Variants in ZNF451 observed in about 807,000 individuals in gnomAD.
ZNF451 encodes zinc finger protein 451.
In ZNF451, 80 loss-of-function variants were observed where a neutral mutation model predicts 107.1. The observed-to-expected ratio is 0.75, with a 90% CI of 0.62 to 0.90. ZNF451 has a LOEUF of 0.90. Ranked by LOEUF, ZNF451 falls within the 40% of genes least tolerant of loss-of-function variation. The probability of loss-of-function intolerance (pLI) is 0.00; values close to 1 mark genes in which losing one functional copy is unlikely to be tolerated. For missense variants in ZNF451, 1,107 were observed against 1,236.2 expected, an observed-to-expected ratio of 0.90 and a Z score of 1.57; for synonymous variants, 362 against 406.5, an observed-to-expected ratio of 0.89 and a Z score of 1.32.
At chr6:57,110,984 A>C (rs1408675730) in intron 3 of ZNF451, among the ~76,000 whole-genome samples, 1 of 149,694 alleles carries the variant, frequency 6.7e-6, no homozygotes, top group Non-Finnish European at 1.5e-5. Flanking sequence ...CAGTGGGGTC[A>C]TATCGGCTAA....
At chr6:57,142,245 AAGTTAG>A (rs1460139775) in intron 9 of ZNF451, 150 bp downstream of exon 9, 21 of 934,200 alleles carry the variant, frequency 2.2e-5, no homozygotes, top group East Asian at 7.3e-5. Context: ...ATAGTGAGAG[AAGTTAG>A]AGTTGTGGAA....
chr6:57,161,169 A>C lies in ZNF451; in HGVS notation c.3139+17A>C, dbSNP rs1330058958. 2 of 1,408,670 alleles carry C rather than the reference A, an allele frequency of 1.4e-6. No individual in the cohort carries two copies. Among genetic ancestry groups the C allele is most frequent in the African/African-American group, 1.5e-5 (1 of 68,134 alleles). 87.3% of individuals were successfully genotyped at this position (1,408,670 alleles called of 1,614,324 possible). On this transcript the variant is annotated intron_variant, in intron 14 of 14. Coordinates refer to ENST00000370706, the MANE Select transcript of ZNF451 (RefSeq NM_001031623.3). Reference sequence around the variant, plus strand: ...CCACAGAAGGTAACCTAATAGAGTTAATCTCTTTTCTACTTGACTGTATCT... The same window carrying C: ...CCACAGAAGGTAACCTAATAGAGTTCATCTCTTTTCTACTTGACTGTATCT...
At chr6:57,160,946 C>A in intron 13 of ZNF451, 138 bp from the exon 14 acceptor site, 1 of 480,204 alleles carries the variant, frequency 2.1e-6, no homozygotes, top group Non-Finnish European at 3.7e-6. Flanking sequence ...CTGGAAAAAA[C>A]CTAGTGTGGG....
rs1271261225 is a variant in ZNF451, at chr6:57,108,759, G to A, written c.186+9618G>A. On this transcript the variant is annotated intron_variant, in intron 3 of 14. Transcript: ENST00000370706. Reference sequence around the variant, plus strand: ...CTTCCTGCCTGGGAAGGCAGTAGAAGAAAGAATCTACATTTGTATAGTCTG... The same window carrying A: ...CTTCCTGCCTGGGAAGGCAGTAGAAAAAAGAATCTACATTTGTATAGTCTG... 3.0e-6 allele frequency: 3 copies of A among 985,286 alleles called. No individual in the cohort carries two copies. The African/African-American group carries it at 5.2e-5, about 17-fold the overall frequency. The allele number at this position is 985,286 out of a possible 1,614,324, so 61.0% of individuals were successfully genotyped here.
At chr6:57,133,246 G>T (rs1831269009) in intron 6 of ZNF451, 54 bp downstream of exon 6, 1 of 1,531,170 alleles carries the variant, frequency 6.5e-7, no homozygotes, top group Non-Finnish European at 8.9e-7. Flanking sequence ...GCTACCAAGT[G>T]ATTTCATAAA....
chr6:57,163,491 C>CCCAGG (rs1460318617), intron 14 of ZNF451, among the ~76,000 whole-genome samples: 18 of 93,532 alleles, frequency 1.9e-4, no homozygotes, highest in Middle Eastern at 8.9e-3. Context: ...CGCTCTGTCG[C>CCCAGG]CCAGGCTGGA....
rs1157384071 is a variant in ZNF451, at chr6:57,138,737, ATATATGTG to A, written c.703-2563_703-2556del. ...TATATATATATATATATATATATAT[ATATATGTG>A]TGTGTGTGTGTGTGTGTGTGTGTGT... On this transcript the variant is annotated intron_variant, in intron 7 of 14. Coordinates refer to ENST00000370706, the MANE Select transcript of ZNF451 (RefSeq NM_001031623.3). Among the ~76,000 whole-genome samples the A allele has an allele frequency of 3.5e-3, 320 of 91,198 alleles. 4 individuals are homozygous for A. The East Asian group carries it at 0.042, about 12-fold the overall frequency. The allele number at this position is 91,198 out of a possible 152,430, so 59.8% of individuals were successfully genotyped here. A position where few individuals can be genotyped will look rare whatever the true frequency, so the allele number is the denominator to read the frequency against.
chr6:57,102,322 T>G, intron 3 of ZNF451: 1 of 1,223,874 alleles, frequency 8.2e-7, no homozygotes, highest in Non-Finnish European at 1.0e-6. Flanking sequence ...CTTGAAAGGG[T>G]TGGACAAATG....
At chr6:57,125,196 A>C (rs1205361588) in intron 4 of ZNF451, among the ~76,000 whole-genome samples, 2 of 152,200 alleles carry the variant, frequency 1.3e-5, no homozygotes, top group Non-Finnish European at 2.9e-5. Context: ...GCTTTTATAG[A>C]TATAAGCTGT....
chr6:57,102,888 ATTG>A, intron 3 of ZNF451: 1 of 985,470 alleles, frequency 1.0e-6, no homozygotes, highest in South Asian at 4.7e-5. Context: ...ATGTGAGAGA[ATTG>A]TTTGTTGTTA....
At position 57,148,710 on chromosome 6, in the gene ZNF451, CTA is replaced by C. The variant is rs2127979976; in HGVS notation, c.2608+19_2608+20del. The C allele has an allele frequency of 6.4e-7, 1 of 1,556,726 alleles. No homozygotes were observed. The highest frequency in any genetic ancestry group is 2.3e-5 in the East Asian group (1 of 44,346). ...AGAATATAGGTATGGCTTTATAGCT[CTA>C]TGCAAATTTCATATACTGATATTGA... On this transcript the variant is annotated intron_variant, in intron 10 of 14. Coordinates refer to ENST00000370706, the MANE Select transcript of ZNF451 (RefSeq NM_001031623.3).
chr6:57,136,690 A>G (rs1209787629), intron 7 of ZNF451, among the ~76,000 whole-genome samples: 2 of 152,324 alleles, frequency 1.3e-5, no homozygotes, highest in South Asian at 4.1e-4. Context: ...ATGTTTCCCT[A>G]TTCATATACT....
At chr6:57,135,469 A>T (rs1169943810) in intron 7 of ZNF451, among the ~76,000 whole-genome samples, 2 of 152,164 alleles carry the variant, frequency 1.3e-5, no homozygotes, top group South Asian at 4.1e-4. Context: ...AATATTAACA[A>T]AAAGACAAGA....
chr6:57,093,498 T>C (rs1254936226), intron 2 of ZNF451, among the ~76,000 whole-genome samples: 1 of 152,196 alleles, frequency 6.6e-6, no homozygotes, highest in East Asian at 1.9e-4. Flanking sequence ...TTAAGTTCCT[T>C]AGAGCTACAA....
chr6:57,092,683 A>G (rs995705434), intron 2 of ZNF451: 2 of 152,152 alleles, frequency 1.3e-5, no homozygotes, highest in African/African-American at 2.4e-5. Context: ...AAGATGAAAA[A>G]GTTTGATTTT....
At chr6:57,098,797 A>C (rs1017246703) in intron 2 of ZNF451, among the ~76,000 whole-genome samples, 4 of 152,074 alleles carry the variant, frequency 2.6e-5, no homozygotes, top group Non-Finnish European at 2.9e-5. Context: ...TCTTATATTA[A>C]TTTTCCTTTC....
chr6:57,138,508 C>T (rs933696666), intron 7 of ZNF451, among the ~76,000 whole-genome samples: 2 of 151,304 alleles, frequency 1.3e-5, no homozygotes, highest in Non-Finnish European at 2.9e-5. Flanking sequence ...GTGATCTGTC[C>T]GCTTCAGCCT....
At chr6:57,141,824 T>G in intron 8 of ZNF451, 124 bp from the exon 9 acceptor site, 1 of 852,616 alleles carries the variant, frequency 1.2e-6, no homozygotes, top group South Asian at 2.1e-5. Flanking sequence ...CTTAGATTTT[T>G]ATTGCCAAAA....
chr6:57,101,956 C>G, intron 3 of ZNF451: 1 of 1,550,404 alleles, frequency 6.4e-7, no homozygotes, highest in South Asian at 1.2e-5. Flanking sequence ...TAATCAGCAT[C>G]GATACTTTTA....
Sources: gnomAD v4.1 joint callset for allele counts (sites outside exome capture counted in the v4.1 genomes callset) on GRCh38, gnomAD v4.1.1 for gene constraint, MANE v1.5 for transcripts, NCBI Gene and HGNC (gene_info 2026-07-23, HGNC 2026-07-21) for gene names.